The following SYNE1 variants were observed in gnomAD, a reference collection of about 807,000 sequenced individuals.
The protein encoded by SYNE1 is nesprin-1.
Under a neutral mutation model 1,111.0 loss-of-function variants are expected in SYNE1, and 616 were observed. The ratio of observed to expected loss-of-function variants is 0.55; its 90% confidence interval spans 0.52 to 0.59. SYNE1 has a LOEUF of 0.59. Ranked by LOEUF, SYNE1 falls within the 20% of genes least tolerant of loss-of-function variation. The pLI, the probability that SYNE1 is intolerant of heterozygous loss-of-function variation, is 0.00. For missense variants in SYNE1, 10,006 were observed against 10,417.0 expected (o/e 0.96, Z 1.72); for synonymous variants, 3,855 against 3,825.8 (o/e 1.01, Z -0.28).
intron 18 of SYNE1, among the ~76,000 whole-genome samples, chr6:152,463,966 T>C (rs1477617658): frequency 6.6e-6 from 1 of 152,192 alleles, no homozygotes; most frequent in Non-Finnish European, 1.5e-5. Flanking sequence ...ATAGATTGTG[T>C]GGTGGTAAAG....
chr6:152,242,830 T>C (rs763544088), intron 106 of SYNE1, among the ~76,000 whole-genome samples: 1 of 151,958 alleles, frequency 6.6e-6, no homozygotes, highest in African/African-American at 2.4e-5. Flanking sequence ...TTCATAAAAA[T>C]GTAAGTATGA....
chr6:152,329,697 GAA>G, intron 78 of SYNE1, 31 bp downstream of exon 78: 1 of 1,613,972 alleles, frequency 6.2e-7, no homozygotes, highest in Non-Finnish European at 8.5e-7. Flanking sequence ...AAGCAGAGTG[GAA>G]AAAAGAGAAG....
At chr6:152,200,504 C>T (rs2075191820) in intron 127 of SYNE1, among the ~76,000 whole-genome samples, 1 of 152,082 alleles carries the variant, frequency 6.6e-6, no homozygotes, top group Non-Finnish European at 1.5e-5. Context: ...CCTAAGTGAT[C>T]CTCCTGCCTC....
chr6:152,329,639 G>T lies in SYNE1; in HGVS notation c.14955+91C>A, dbSNP rs1054215795. 3.3e-6 allele frequency: 5 copies of T among 1,530,626 alleles called. No homozygotes were observed. In the African/African-American group the frequency reaches 6.8e-5, roughly 21 times the overall value. 94.8% of individuals were successfully genotyped at this position (1,530,626 alleles called of 1,614,324 possible). A position where few individuals can be genotyped will look rare whatever the true frequency, so the allele number is the denominator to read the frequency against. On this transcript the variant is annotated intron_variant, in intron 78 of 145. Coordinates refer to ENST00000367255, the MANE Select transcript of SYNE1 (RefSeq NM_182961.4). ...TAGTATTTCGAAAGAAATATTTAAA[G>T]AAGCAATTATAACCAAGCAAACGAA...
intron 32 of SYNE1, among the ~76,000 whole-genome samples, chr6:152,439,217 A>G (rs774613662): frequency 1.2e-4 from 19 of 152,212 alleles, no homozygotes; most frequent in Non-Finnish European, 2.4e-4. Flanking sequence ...GACTCAAAAG[A>G]TTCCATTTGT....
chr6:152,253,381 C>T (rs2089867070), intron 104 of SYNE1, among the ~76,000 whole-genome samples: 1 of 152,112 alleles, frequency 6.6e-6, no homozygotes, highest in African/African-American at 2.4e-5. Flanking sequence ...ATGTATCAGG[C>T]ACTGTTCAGA....
intron 130 of SYNE1, among the ~76,000 whole-genome samples, chr6:152,175,162 G>T (rs1264484423): frequency 6.6e-6 from 1 of 152,194 alleles, no homozygotes; most frequent in African/African-American, 2.4e-5. Flanking sequence ...CTGTACTCCA[G>T]CCTGGGCAAC....
chr6:152,419,567 A>G lies in SYNE1; in HGVS notation c.5421+2T>C. ...ATCTTAAAAAAAAAAAAACCACTTT[A>G]CCTTATGCCGAGTAAGGGCTACTTG... On this transcript the variant is annotated splice_donor_variant, in intron 40 of 145. Transcript: ENST00000367255. LOFTEE classifies it high-confidence loss of function. 1 of 1,611,380 alleles carries G rather than the reference A, an allele frequency of 6.2e-7. No individual in the cohort carries two copies. Among genetic ancestry groups the G allele is most frequent in the Non-Finnish European group, 8.5e-7 (1 of 1,178,962 alleles).
chr6:152,125,139 A>G (rs1259967392), intron 145 of SYNE1: 6 of 1,060,332 alleles, frequency 5.7e-6, no homozygotes, highest in South Asian at 2.1e-5. Context: ...CTACAGTTAA[A>G]GGAAGAGGCC....
chr6:152,216,078 C>A (rs2078571311), intron 121 of SYNE1, among the ~76,000 whole-genome samples: 1 of 152,132 alleles, frequency 6.6e-6, no homozygotes, highest in Non-Finnish European at 1.5e-5. Context: ...AAATTGGTTA[C>A]AGGAAAGAAA....
At chr6:152,378,369 G>T (rs2097333858) in intron 56 of SYNE1, among the ~76,000 whole-genome samples, 1 of 152,056 alleles carries the variant, frequency 6.6e-6, no homozygotes, top group Admixed American at 6.6e-5. Context: ...TCCTCGTCCT[G>T]GTAAATGGCA....
intron 101 of SYNE1, among the ~76,000 whole-genome samples, chr6:152,258,287 T>G (rs530140116): frequency 2.6e-5 from 4 of 152,240 alleles, no homozygotes; most frequent in African/African-American, 9.6e-5. Context: ...ATTTAGGAAT[T>G]AAAAAGATAT....
At chr6:152,578,999 T>C (rs555065396) in intron 3 of SYNE1, among the ~76,000 whole-genome samples, 46 of 152,350 alleles carry the variant, frequency 3.0e-4, no homozygotes, top group African/African-American at 9.6e-4. Context: ...TGCAAATCTA[T>C]AGTAAAGATA....
chr6:152,162,508 G>T (rs547594129), intron 131 of SYNE1, among the ~76,000 whole-genome samples: 1 of 152,032 alleles, frequency 6.6e-6, no homozygotes, highest in Non-Finnish European at 1.5e-5. Context: ...TACGATACCC[G>T]CCATTTGCAT....
At chr6:152,569,980 C>T (rs2099439691) in intron 3 of SYNE1, among the ~76,000 whole-genome samples, 1 of 152,150 alleles carries the variant, frequency 6.6e-6, no homozygotes, top group South Asian at 2.1e-4. Flanking sequence ...TTAGTTATTT[C>T]AGTCTACTGA....
At chr6:152,493,827 C>T (rs1248666988) in intron 11 of SYNE1, among the ~76,000 whole-genome samples, 4 of 152,168 alleles carry the variant, frequency 2.6e-5, no homozygotes, top group South Asian at 2.1e-4. Context: ...TAGGTACTTT[C>T]GCCTTTGGAT....
chr6:152,186,594 A>AG (rs2070123352), intron 128 of SYNE1, among the ~76,000 whole-genome samples: 10 of 127,998 alleles, frequency 7.8e-5, no homozygotes, highest in African/African-American at 1.2e-4. Flanking sequence ...AAAAAAAAAA[A>AG]AAGAAGAAGA....
intron 4 of SYNE1, among the ~76,000 whole-genome samples, chr6:152,529,176 T>C (rs779447404): frequency 6.6e-6 from 1 of 152,222 alleles, no homozygotes; most frequent in East Asian, 1.9e-4. Context: ...TTTATCCTTA[T>C]GAAACACTCA....
At chr6:152,534,153 G>C (rs1594836138) in intron 4 of SYNE1, among the ~76,000 whole-genome samples, 1 of 150,650 alleles carries the variant, frequency 6.6e-6, no homozygotes, top group East Asian at 2.0e-4. Flanking sequence ...GCAAGACTCT[G>C]TCTCAAAAAA....
Sources: gnomAD v4.1 joint callset for allele counts (sites outside exome capture counted in the v4.1 genomes callset) on GRCh38, gnomAD v4.1.1 for gene constraint, MANE v1.5 for transcripts, NCBI Gene and HGNC (gene_info 2026-07-23, HGNC 2026-07-21) for gene names.